IGSF21: variants seen among roughly 807,000 people sequenced by gnomAD.
IGSF21 encodes immunoglobin superfamily member 21.
In IGSF21, 28 loss-of-function variants were observed where a neutral mutation model predicts 46.8. The observed-to-expected ratio is 0.60, with a 90% confidence interval of 0.44 to 0.82. The LOEUF is 0.82. Among genes scored for constraint, IGSF21 ranks in the 40% least tolerant of loss-of-function variants. The pLI, the probability that IGSF21 is intolerant of heterozygous loss-of-function variation, is 0.00. For synonymous variants in IGSF21, 284 were observed against 273.6 expected (o/e 1.04, Z -0.38); for missense variants, 624 against 665.5 (o/e 0.94, Z 0.69).
chr1:18,279,949 T>C (rs774705045), intron 2 of IGSF21, among the ~76,000 whole-genome samples: 6 of 152,194 alleles, frequency 3.9e-5, no homozygotes, highest in African/African-American at 1.2e-4. Context: ...GCCAGGCAGA[T>C]TGGCACAGCA....
chr1:18,238,820 C>T (rs1185273891), intron 2 of IGSF21, among the ~76,000 whole-genome samples: 1 of 152,226 alleles, frequency 6.6e-6, no homozygotes, highest in East Asian at 1.9e-4. Context: ...ACACACCATC[C>T]TGCTGTGTGA....
chr1:18,360,217 T>C (rs2086084807), intron 4 of IGSF21, among the ~76,000 whole-genome samples: 1 of 152,208 alleles, frequency 6.6e-6, no homozygotes. Context: ...TGACGTGTTC[T>C]GCTGTATTTT....
chr1:18,176,489 A>G (rs1242734339), intron 1 of IGSF21, among the ~76,000 whole-genome samples: 1 of 152,212 alleles, frequency 6.6e-6, no homozygotes, highest in Non-Finnish European at 1.5e-5. Flanking sequence ...GAGTCAGTCA[A>G]GCCCAGAACT....
chr1:18,376,051 C>T (rs116117892), intron 6 of IGSF21: 4 of 391,648 alleles, frequency 1.0e-5, no homozygotes, highest in African/African-American at 4.1e-5. Flanking sequence ...ATGTGTGAAC[C>T]CCCCAAGAGC....
chr1:18,115,846 A>AAGGAAGGAAGGAAGG (rs1557543416), intron 1 of IGSF21: 2 of 69,764 alleles, frequency 2.9e-5, no homozygotes, highest in African/African-American at 1.1e-4. Context: ...AGGAAGGAAG[A>AAGGAAGGAAGGAAGG]AAGAAAGAAA....
chr1:18,117,403 C>T (rs1371271947), intron 1 of IGSF21, among the ~76,000 whole-genome samples: 2 of 152,184 alleles, frequency 1.3e-5, no homozygotes, highest in Non-Finnish European at 2.9e-5. Context: ...TTCTAGATCT[C>T]CAATGGGCAT....
intron 2 of IGSF21, among the ~76,000 whole-genome samples, chr1:18,254,427 G>A (rs1451579513): frequency 6.9e-6 from 1 of 145,138 alleles, no homozygotes; most frequent in Non-Finnish European, 1.5e-5. Flanking sequence ...CTGGATCTAG[G>A]TATCTTTAAC....
chr1:18,367,223 T>C (rs949442511), intron 6 of IGSF21, among the ~76,000 whole-genome samples: 6 of 152,124 alleles, frequency 3.9e-5, no homozygotes, highest in Non-Finnish European at 8.8e-5. Context: ...GAGCTTCTGT[T>C]TCATCTGGAC....
At chr1:18,173,962 C>T (rs1228765029) in intron 1 of IGSF21, among the ~76,000 whole-genome samples, 2 of 152,192 alleles carry the variant, frequency 1.3e-5, no homozygotes, top group African/African-American at 2.4e-5. Flanking sequence ...CCACGTTGGC[C>T]AGGCTGGTCT....
rs7544264 is a variant in IGSF21, at chr1:18,270,684, G to A, written c.184-21182G>A. Among the ~76,000 whole-genome samples, 1,329 of 152,270 alleles carry A rather than the reference G, an allele frequency of 8.7e-3. 18 individuals are homozygous for A. Among genetic ancestry groups the A allele is most frequent in the Middle Eastern group, 0.045 (13 of 292 alleles). On this transcript the variant is annotated intron_variant, in intron 2 of 9. Transcript: ENST00000251296. ...CATGTTGGCTGCACTGAAAACAGCCGGGCTCCGTGACAATGGGCTTCCTGC... is the reference window on the plus strand; with the variant it reads ...CATGTTGGCTGCACTGAAAACAGCCAGGCTCCGTGACAATGGGCTTCCTGC...
intron 2 of IGSF21, among the ~76,000 whole-genome samples, chr1:18,283,736 C>G (rs996181352): frequency 1.3e-5 from 2 of 152,110 alleles, no homozygotes; most frequent in African/African-American, 4.8e-5. Context: ...CTGCCCGAAA[C>G]TAAAGCCAAC....
intron 2 of IGSF21, among the ~76,000 whole-genome samples, chr1:18,278,531 T>TTTTTTTTG (rs754478135): frequency 5.0e-5 from 7 of 140,912 alleles, no homozygotes; most frequent in South Asian, 4.6e-4. Context: ...GTAAGGTTTT[T>TTTTTTTTG]TTTGTTTGTT....
intron 4 of IGSF21, among the ~76,000 whole-genome samples, chr1:18,355,090 C>T (rs1407117175): frequency 6.6e-6 from 1 of 152,170 alleles, no homozygotes; most frequent in Non-Finnish European, 1.5e-5. Flanking sequence ...GGGAGCAGAG[C>T]CTGGGCTAGA....
chr1:18,235,253 C>T (rs1402361998), intron 2 of IGSF21, among the ~76,000 whole-genome samples: 1 of 152,236 alleles, frequency 6.6e-6, no homozygotes, highest in Admixed American at 6.5e-5. Context: ...GGAGCTGTTC[C>T]ATGCACTCAT....
chr1:18,154,489 C>T (rs919077542), intron 1 of IGSF21, among the ~76,000 whole-genome samples: 5 of 152,104 alleles, frequency 3.3e-5, no homozygotes, highest in Admixed American at 6.5e-5. Context: ...ACCCCTGTCA[C>T]CCCTGACCCT....
rs75685192 is a variant in IGSF21 at position 18,290,353 on chromosome 1, C to G, written c.184-1513C>G. The stretch of plus-strand genomic sequence containing the variant: ...GACGCGTGTACATGTCGCTAAGTCC[C>G]GACAGAGATAGGAGGGGTGTGGGCT... On this transcript the variant is annotated intron_variant, in intron 2 of 9. Coordinates refer to ENST00000251296, the MANE Select transcript of IGSF21 (RefSeq NM_032880.5). This position sits in a 1 kb window ranked among gnomAD's most constrained non-coding sequence, Gnocchi z 4.2. Among the ~76,000 whole-genome samples the G allele has an allele frequency of 1.3e-5, 2 of 152,100 alleles. No individual in the cohort carries two copies. Among genetic ancestry groups the G allele is most frequent in the Non-Finnish European group, 2.9e-5 (2 of 68,022 alleles).
At chr1:18,202,563 AG>A (rs942343659) in intron 1 of IGSF21, among the ~76,000 whole-genome samples, 5 of 152,276 alleles carry the variant, frequency 3.3e-5, no homozygotes, top group Admixed American at 6.5e-5. Flanking sequence ...CCTTCTTCAC[AG>A]GGTGGCAGGA....
At chr1:18,195,600 T>C (rs2086999082) in intron 1 of IGSF21, among the ~76,000 whole-genome samples, 1 of 152,332 alleles carries the variant, frequency 6.6e-6, no homozygotes, top group South Asian at 2.1e-4. Context: ...TGTGCCTCTC[T>C]GGAATGAATT....
chr1:18,202,597 G>C (rs1432701136), intron 1 of IGSF21, among the ~76,000 whole-genome samples: 1 of 152,154 alleles, frequency 6.6e-6, no homozygotes, highest in African/African-American at 2.4e-5. Context: ...GAGAGAGAGA[G>C]AGCCAAGGGG....
Sources: gnomAD v4.1 joint callset for allele counts (sites outside exome capture counted in the v4.1 genomes callset) on GRCh38, gnomAD v4.1.1 for gene constraint, Gnocchi (gnomAD v3.1) non-coding constraint, MANE v1.5 for transcripts, NCBI Gene and HGNC (gene_info 2026-07-23, HGNC 2026-07-21) for gene names.